AFAP1L2: variants seen among roughly 807,000 people sequenced by gnomAD.
AFAP1L2 encodes actin filament-associated protein 1-like 2.
In AFAP1L2, 46 loss-of-function variants were observed where a neutral mutation model predicts 99.3. The observed-to-expected ratio is 0.46, with a 90% CI of 0.37 to 0.59. AFAP1L2 has a LOEUF of 0.59. Among genes scored for constraint, AFAP1L2 ranks in the 20% least tolerant of loss-of-function variants. The pLI is 0.00. For synonymous variants in AFAP1L2, 397 were observed against 419.1 expected (o/e 0.95, Z 0.64); for missense variants, 959 against 1,034.9 (o/e 0.93, Z 1.01).
the AFAP1L2 span, chr10:114,282,471 C>G: frequency 6.5e-7 from 1 of 1,538,158 alleles, no homozygotes; most frequent in South Asian, 1.1e-5. Context: ...CTGCCCTCCC[C>G]TTACACCTCT....
chr10:114,314,761 T>TCCTTGTTGGGTCTGGTC (rs1554890817), intron 6 of AFAP1L2, among the ~76,000 whole-genome samples: 2 of 151,818 alleles, frequency 1.3e-5, no homozygotes, highest in Non-Finnish European at 1.5e-5. Context: ...AATGTCTGGT[T>TCCTTGTTGGGTCTGGTC]CCTTGCTGGG....
Position 114,342,580 on chromosome 10 carries a change from G to A in AFAP1L2, c.17-1849C>T, listed in dbSNP as rs80285750. 8.3e-3 allele frequency among the ~76,000 whole-genome samples: 1,266 copies of A among 152,284 alleles called. 18 individuals are homozygous for A. Among genetic ancestry groups the A allele is most frequent in the African/African-American group, 0.028 (1,171 of 41,546 alleles). ...TCACAGTGGCTCTTATAAGCGGGGA[G>A]GTAGGAGGGTAAGAGTCAGGGAGAT... On this transcript the variant is annotated intron_variant, in intron 1 of 18. Coordinates refer to ENST00000304129, the MANE Select transcript of AFAP1L2 (RefSeq NM_001001936.3).
intron 1 of AFAP1L2, among the ~76,000 whole-genome samples, chr10:114,359,873 C>A (rs1478353468): frequency 6.6e-6 from 1 of 151,996 alleles, no homozygotes; most frequent in Non-Finnish European, 1.5e-5. Context: ...CTGCCTTGGC[C>A]CCTCCAATCC....
At chr10:114,352,187 G>A (rs1347783749) in intron 1 of AFAP1L2, among the ~76,000 whole-genome samples, 1 of 152,170 alleles carries the variant, frequency 6.6e-6, no homozygotes, top group Non-Finnish European at 1.5e-5. Context: ...AAAAGCAGCT[G>A]TAGGCTGGGT....
chr10:114,349,725 G>C lies in AFAP1L2; in HGVS notation c.17-8994C>G, dbSNP rs17091719. ...GTCATTTCTGCCTGCTTGAAACCCAGTAAACTGAGCCAAATGTAAATAACT... is the reference window on the plus strand; with the variant it reads ...GTCATTTCTGCCTGCTTGAAACCCACTAAACTGAGCCAAATGTAAATAACT... On this transcript the variant is annotated intron_variant, in intron 1 of 18. Coordinates refer to ENST00000304129, the MANE Select transcript of AFAP1L2 (RefSeq NM_001001936.3). Among the ~76,000 whole-genome samples, 145 of 145,434 alleles carry C rather than the reference G, an allele frequency of 1.0e-3. 2 individuals are homozygous for C. The East Asian group carries it at 0.026, about 26-fold the overall frequency.
intron 1 of AFAP1L2, among the ~76,000 whole-genome samples, chr10:114,379,923 C>G (rs7911173): frequency 0.73 from 111,098 of 152,182 alleles, 40,772 homozygotes; most frequent in South Asian, 0.81. Context: ...TCATTGGTTG[C>G]GACTTTATGG....
the AFAP1L2 span, chr10:114,289,586 G>T: frequency 1.4e-6 from 2 of 1,417,976 alleles, no homozygotes; most frequent in Non-Finnish European, 9.8e-7. Context: ...GCTCTTCCCA[G>T]CTACTGAGCA....
chr10:114,322,223 G>A (rs767479445), intron 5 of AFAP1L2, among the ~76,000 whole-genome samples: 9 of 152,088 alleles, frequency 5.9e-5, no homozygotes, highest in African/African-American at 1.7e-4. Context: ...ACCTAGTCTC[G>A]GGCGTGTCTT....
At chr10:114,404,502 TC>T, upstream of AFAP1L2, 1 of 1,523,560 alleles carries the variant, frequency 6.6e-7, no homozygotes. Context: ...TGCGCTGCTC[TC>T]CCGGCGCTCG....
chr10:114,316,606 C>G (rs1044245279), intron 5 of AFAP1L2, among the ~76,000 whole-genome samples: 1 of 152,142 alleles, frequency 6.6e-6, no homozygotes, highest in African/African-American at 2.4e-5. Flanking sequence ...CTACGCATAC[C>G]CCAACTGCCT....
intron 4 of AFAP1L2, among the ~76,000 whole-genome samples, chr10:114,328,348 CGTGCTGCTGCAG>C (rs1367003864): frequency 9.8e-5 from 15 of 152,350 alleles, no homozygotes; most frequent in South Asian, 2.1e-4. Context: ...TGGATGTCCA[CGTGCTGCTGCAG>C]GTGCTGCTGC....
chr10:114,349,839 G>T (rs952335817), intron 1 of AFAP1L2, among the ~76,000 whole-genome samples: 4 of 152,092 alleles, frequency 2.6e-5, no homozygotes, highest in African/African-American at 9.7e-5. Flanking sequence ...TCACTTGCTA[G>T]CACTGTGAAT....
At chr10:114,293,038 T>G (rs1163393391), downstream of AFAP1L2, among the ~76,000 whole-genome samples, 2 of 152,216 alleles carry the variant, frequency 1.3e-5, no homozygotes, top group Non-Finnish European at 2.9e-5. Context: ...TAACATAATG[T>G]TTTATAGACA....
Position 114,319,727 on chromosome 10 carries a change from CAAAG to C in AFAP1L2, c.406+3440_406+3443del, listed in dbSNP as rs1445063089. ...AGGAGCACGCCCAAGTGCAGAGACA[CAAAG>C]AGAGAGACCCAGATGTGGCAACTCG... On this transcript the variant is annotated intron_variant, in intron 5 of 18. Coordinates refer to ENST00000304129, the MANE Select transcript of AFAP1L2 (RefSeq NM_001001936.3). The C allele has an allele frequency of 3.8e-6, 4 of 1,061,338 alleles. No individual in the cohort carries two copies. The African/African-American group carries it at 6.6e-5, about 17-fold the overall frequency. The allele number at this position is 1,061,338 out of a possible 1,614,324, so 65.7% of individuals were successfully genotyped here.
At chr10:114,370,266 G>A (rs758294925) in intron 1 of AFAP1L2, among the ~76,000 whole-genome samples, 3 of 152,212 alleles carry the variant, frequency 2.0e-5, no homozygotes, top group Non-Finnish European at 4.4e-5. Flanking sequence ...GAGGCTGCTG[G>A]TTGGTTGAAG....
rs1170766920 is a variant in AFAP1L2, at chr10:114,315,458, C to G, written c.612+102G>C. 1.0e-5 allele frequency: 13 copies of G among 1,241,924 alleles called. No homozygotes were observed. In the Admixed American group the frequency reaches 3.0e-4, roughly 29 times the overall value. 76.9% of individuals were successfully genotyped at this position (1,241,924 alleles called of 1,614,324 possible). On this transcript the variant is annotated intron_variant, in intron 6 of 18. Coordinates refer to ENST00000304129, the MANE Select transcript of AFAP1L2 (RefSeq NM_001001936.3). ...TAAAATCTCCTGACATAAACAAGCT[C>G]GAAACCTCTGAGGTCAGGGACCATC...
intron 7 of AFAP1L2, among the ~76,000 whole-genome samples, chr10:114,312,465 C>A (rs2043406657): frequency 6.6e-6 from 1 of 152,100 alleles, no homozygotes; most frequent in South Asian, 2.1e-4. Flanking sequence ...CAGCCCAGAG[C>A]TCTGGGTCCT....
intron 16 of AFAP1L2, 102 bp from the exon 17 acceptor site, chr10:114,297,515 G>C: frequency 7.9e-7 from 1 of 1,268,792 alleles, no homozygotes; most frequent in African/African-American, 1.5e-5. Context: ...CACCCGAGAA[G>C]GACCACAGGT....
intron 1 of AFAP1L2, among the ~76,000 whole-genome samples, chr10:114,344,191 G>T (rs916359448): frequency 1.3e-5 from 2 of 152,146 alleles, no homozygotes; most frequent in East Asian, 3.9e-4. Flanking sequence ...CAACTAAAAG[G>T]CCTTAGCTTG....
Sources: allele counts gnomAD v4.1 joint callset (sites outside exome capture counted in the v4.1 genomes callset), GRCh38; gene constraint gnomAD v4.1.1; transcripts MANE v1.5; gene names NCBI Gene and HGNC (gene_info 2026-07-23, HGNC 2026-07-21).